The following MPPED1 variants were observed in gnomAD, a reference collection of about 807,000 sequenced individuals.
The protein encoded by MPPED1 is metallophosphoesterase domain containing 1, also known as metallophosphoesterase domain-containing protein 1.
Under a neutral mutation model 36.2 loss-of-function variants are expected in MPPED1, and 16 were observed. That is an observed-to-expected ratio of 0.44 (90% CI 0.30 to 0.67). MPPED1 has a LOEUF of 0.67. Ranked by LOEUF, MPPED1 falls within the 30% of genes least tolerant of loss-of-function variation. MPPED1 has a pLI of 0.10. For synonymous variants in MPPED1, 199 were observed against 191.3 expected, an observed-to-expected ratio of 1.04 and a Z score of -0.33; for missense variants, 307 against 453.4, an observed-to-expected ratio of 0.68 and a Z score of 2.93.
intron 3 of MPPED1, among the ~76,000 whole-genome samples, chr22:43,446,225 A>G (rs554454294): frequency 1.3e-5 from 2 of 152,334 alleles, no homozygotes; most frequent in African/African-American, 4.8e-5. Context: ...CATAGTTATT[A>G]GTATTTGTTT....
At chr22:43,428,195 G>T (rs1372527341) in intron 2 of MPPED1, among the ~76,000 whole-genome samples, 1 of 152,176 alleles carries the variant, frequency 6.6e-6, no homozygotes, top group Non-Finnish European at 1.5e-5. Context: ...TAGCTGGGGA[G>T]CTGGAGCAGG....
intron 3 of MPPED1, 45 bp downstream of exon 3, chr22:43,435,260 G>A: frequency 1.3e-6 from 2 of 1,556,412 alleles, no homozygotes; most frequent in Non-Finnish European, 1.7e-6. Context: ...TGAGCAGGAA[G>A]GGGGCTCCCG....
chr22:43,479,720 G>T (rs1316958352), intron 4 of MPPED1, among the ~76,000 whole-genome samples: 2 of 152,346 alleles, frequency 1.3e-5, no homozygotes, highest in South Asian at 4.1e-4. Context: ...TCCTCTCTCT[G>T]CTAGACTTGG....
At chr22:43,437,059 C>T (rs558445269) in intron 3 of MPPED1, among the ~76,000 whole-genome samples, 2 of 152,336 alleles carry the variant, frequency 1.3e-5, no homozygotes, top group South Asian at 4.1e-4. Flanking sequence ...AGGACCCTCA[C>T]TCAAGGAGGA....
chr22:43,444,354 T>A (rs1424934194), intron 3 of MPPED1, among the ~76,000 whole-genome samples: 20 of 148,164 alleles, frequency 1.3e-4, no homozygotes, highest in Admixed American at 6.2e-4. Flanking sequence ...GTTTTTTTCT[T>A]TCTATCTATC....
intron 1 of MPPED1, among the ~76,000 whole-genome samples, chr22:43,420,686 G>A (rs192719386): frequency 4.9e-4 from 74 of 152,332 alleles, no homozygotes; most frequent in African/African-American, 1.7e-3. Context: ...GCAGGTGTGA[G>A]CCACCATGCC....
chr22:43,413,404 A>C (rs1601939627), intron 1 of MPPED1, among the ~76,000 whole-genome samples: 1 of 151,840 alleles, frequency 6.6e-6, no homozygotes. Context: ...AATTAAACCA[A>C]CTTGGTGAGA....
chr22:43,471,304 A>G (rs1931367002), intron 3 of MPPED1, among the ~76,000 whole-genome samples: 1 of 152,226 alleles, frequency 6.6e-6, no homozygotes, highest in African/African-American at 2.4e-5. Context: ...GCCCGAAGGC[A>G]GCGATGGTGG....
In MPPED1 at chr22:43,426,206, C is replaced by A. The variant is rs1397492577; in HGVS notation, c.224+997C>A. Among the ~76,000 whole-genome samples the A allele has an allele frequency of 2.0e-5, 3 of 152,114 alleles. No individual in the cohort carries two copies. The East Asian group carries it at 5.8e-4, about 30-fold the overall frequency. ...GGCTTCCTGAGTCCAGCCCGGGGCTCTCCTTGCTGGGCCTCCCGCATCCTC... is the reference window on the plus strand; with the variant it reads ...GGCTTCCTGAGTCCAGCCCGGGGCTATCCTTGCTGGGCCTCCCGCATCCTC... On this transcript the variant is annotated intron_variant, in intron 2 of 6. Coordinates refer to ENST00000443721, the MANE Select transcript of MPPED1 (RefSeq NM_001044370.2).
At chr22:43,495,682 G>GTA (rs1569088973) in intron 4 of MPPED1, among the ~76,000 whole-genome samples, 2 of 55,398 alleles carry the variant, frequency 3.6e-5, no homozygotes, top group Non-Finnish European at 3.2e-5. Context: ...TGGTGGTGGA[G>GTA]ATGGTGGTGG....
chr22:43,492,737 C>T (rs896333762), intron 4 of MPPED1, among the ~76,000 whole-genome samples: 1 of 152,176 alleles, frequency 6.6e-6, no homozygotes, highest in Non-Finnish European at 1.5e-5. Context: ...CTTTCTTCTT[C>T]TCCCCCAAGA....
intron 4 of MPPED1, among the ~76,000 whole-genome samples, chr22:43,484,719 G>A (rs1454331372): frequency 6.6e-6 from 1 of 152,164 alleles, no homozygotes; most frequent in Non-Finnish European, 1.5e-5. Context: ...TGCCCCACCT[G>A]CTTAGGGGTG....
At chr22:43,423,886 A>G (rs756111924) in intron 1 of MPPED1, among the ~76,000 whole-genome samples, 2 of 152,222 alleles carry the variant, frequency 1.3e-5, no homozygotes, top group Non-Finnish European at 2.9e-5. Context: ...TCTTCAAGGC[A>G]TTTCCCATTT....
At chr22:43,444,834 T>C (rs553755398) in intron 3 of MPPED1, among the ~76,000 whole-genome samples, 4 of 152,242 alleles carry the variant, frequency 2.6e-5, no homozygotes, top group Non-Finnish European at 5.9e-5. Context: ...TTCATTTGGA[T>C]TTTTTGTTTG....
chr22:43,500,106 G>A (rs2064484500), intron 5 of MPPED1, among the ~76,000 whole-genome samples: 1 of 114,414 alleles, frequency 8.7e-6, no homozygotes, highest in African/African-American at 3.8e-5. Flanking sequence ...GGTGGTAGTG[G>A]GGGTGATGAA....
intron 4 of MPPED1, among the ~76,000 whole-genome samples, chr22:43,482,071 G>A (rs1393208597): frequency 2.0e-5 from 3 of 152,160 alleles, no homozygotes; most frequent in Non-Finnish European, 4.4e-5. Context: ...GCGGAAGGGG[G>A]CGGGAACCAA....
intron 5 of MPPED1, among the ~76,000 whole-genome samples, chr22:43,500,406 G>GTGGTGGTGGTGA (rs1932690945): frequency 7.4e-6 from 1 of 134,774 alleles, no homozygotes; most frequent in African/African-American, 2.6e-5. Flanking sequence ...GGTGGTAGTG[G>GTGGTGGTGGTGA]TGGTGATGGA....
chr22:43,427,665 G>A (rs1445896465), intron 2 of MPPED1, among the ~76,000 whole-genome samples: 2 of 152,192 alleles, frequency 1.3e-5, no homozygotes, highest in Middle Eastern at 3.2e-3. Context: ...GAGCTGCTGA[G>A]TTTCTCACTG....
At chr22:43,434,950 TG>T in intron 2 of MPPED1, 83 bp from the exon 3 acceptor site, 8 of 1,405,432 alleles carry the variant, frequency 5.7e-6, no homozygotes, top group Non-Finnish European at 7.9e-6. Flanking sequence ...GGCTGTGAGC[TG>T]TGGTGGATGG....
Sources: allele counts gnomAD v4.1 joint callset (sites outside exome capture counted in the v4.1 genomes callset), GRCh38; gene constraint gnomAD v4.1.1; transcripts MANE v1.5; gene names NCBI Gene and HGNC (gene_info 2026-07-23, HGNC 2026-07-21).